Variants in MEIOSIN observed in about 807,000 individuals in gnomAD.
MEIOSIN encodes meiosis initiator, also known as meiosis initiator protein.
MEIOSIN carries 18 observed loss-of-function variants against 23.4 expected under a neutral mutation model. The ratio of observed to expected loss-of-function variants is 0.77; its 90% confidence interval spans 0.53 to 1.14. The LOEUF is 1.14. MEIOSIN is among the 50% of genes most tolerant of loss of function. The pLI is 0.00. For synonymous variants in MEIOSIN, 187 were observed against 100.6 expected (o/e 1.86, Z -5.14); for missense variants, 428 against 242.9 (o/e 1.76, Z -5.07).
chr19:45,759,072 G>A (rs566873330), intron 10 of MEIOSIN, 39 bp downstream of exon 10: 1 of 702,768 alleles, frequency 1.4e-6, no homozygotes, highest in Admixed American at 2.0e-5. Flanking sequence ...AGTTCATTCG[G>A]GAAACATACG....
chr19:45,756,293 C>T (rs1968828476), intron 8 of MEIOSIN, among the ~76,000 whole-genome samples: 1 of 152,240 alleles, frequency 6.6e-6, no homozygotes. Flanking sequence ...AGTCTCTTTG[C>T]CTCACCTGTT....
chr19:45,751,734 CTTTTT>C (rs35105394), intron 5 of MEIOSIN, among the ~76,000 whole-genome samples: 3 of 139,616 alleles, frequency 2.1e-5, no homozygotes, highest in Non-Finnish European at 4.7e-5. Flanking sequence ...TTCTTTCTTT[CTTTTT>C]TTTTTTTTGA....
chr19:45,760,538 G>A (rs540901025), intron 11 of MEIOSIN, among the ~76,000 whole-genome samples: 4 of 152,150 alleles, frequency 2.6e-5, no homozygotes, highest in South Asian at 4.2e-4. Flanking sequence ...CCTGGGAGGC[G>A]GGGGTTGCAG....
chr19:45,735,640 T>C (rs1205471426), intron 2 of MEIOSIN, among the ~76,000 whole-genome samples, 193 bp downstream of exon 2: 2 of 152,104 alleles, frequency 1.3e-5, no homozygotes, highest in African/African-American at 4.8e-5. Context: ...CAGATGAGAG[T>C]ACTCTGAGGT....
intron 4 of MEIOSIN, among the ~76,000 whole-genome samples, chr19:45,749,055 C>G (rs1367524837): frequency 6.8e-6 from 1 of 146,108 alleles, no homozygotes; most frequent in Non-Finnish European, 1.5e-5. Flanking sequence ...GGCAACAGAC[C>G]GAGACTCCCT....
In MEIOSIN at chr19:45,755,996, G is replaced by A. The variant is rs1421622765; in HGVS notation, c.829G>A (p.Asp277Asn). The change falls in exon 8 of 15, where the codon GAT (aspartate) becomes AAT (asparagine). Residue 277 changes from aspartate to asparagine, a missense_variant. Coordinates refer to ENST00000457052, the MANE Select transcript of MEIOSIN (RefSeq NM_001310124.2). ...SSCWCQGSVQ[D>N]DAPFPALLAQ... ...CTGCTGGTGCCAGGGCAGTGTCCAG[G>A]ATGACGCACCTTTCCCTGCGCTCCT... 1.4e-6 allele frequency: 1 copy of A among 702,852 alleles called. No individual in the cohort carries two copies. The highest frequency in any genetic ancestry group is 1.7e-5 in the African/African-American group (1 of 57,360). 43.5% of individuals were successfully genotyped at this position (702,852 alleles called of 1,614,324 possible). A position where few individuals can be genotyped will look rare whatever the true frequency, so the allele number is the denominator to read the frequency against.
At chr19:45,756,833 G>A (rs1021292004) in intron 8 of MEIOSIN, among the ~76,000 whole-genome samples, 1 of 152,014 alleles carries the variant, frequency 6.6e-6, no homozygotes, top group East Asian at 1.9e-4. Context: ...CCACACATTT[G>A]CCATTCCCCA....
chr19:45,745,925 G>C (rs1968586928), intron 4 of MEIOSIN, among the ~76,000 whole-genome samples: 1 of 152,020 alleles, frequency 6.6e-6, no homozygotes, highest in Admixed American at 6.6e-5. Context: ...AGTCTCAGTG[G>C]CTTTTTCACT....
rs142158849 is a variant in MEIOSIN, at chr19:45,742,852, C to T, written c.177-2340C>T. Reference sequence around the variant, plus strand: ...ACAACAACCAGGGCAACAGAACATTCCAAACAGAGAAGGCAGAAATAAAAT... The same window carrying T: ...ACAACAACCAGGGCAACAGAACATTTCAAACAGAGAAGGCAGAAATAAAAT... On this transcript the variant is annotated intron_variant, in intron 3 of 14. Transcript: ENST00000457052. Among the ~76,000 whole-genome samples the T allele has an allele frequency of 2.1e-3, 326 of 152,158 alleles. 4 individuals carry two copies. The highest frequency in any genetic ancestry group is 4.0e-3 in the Non-Finnish European group (271 of 68,006).
chr19:45,750,721 G>A lies in MEIOSIN; in HGVS notation c.353G>A (p.Arg118Lys). The change falls in exon 5 of 15, where the codon AGA becomes AAA. Residue 118 changes from arginine to lysine, a missense_variant. Coordinates refer to ENST00000457052, the MANE Select transcript of MEIOSIN (RefSeq NM_001310124.2). ...CTGCAGTACATTCAGTACCTCCAGA[G>A]AAACATCGATGCCGCCAAGGCCTTG... Reference protein sequence around the residue: ...HVLQYIQYLQRNIDAAKALFK... With the variant: ...HVLQYIQYLQKNIDAAKALFK... 1.6e-6 allele frequency: 1 copy of A among 643,512 alleles called. No individual in the cohort carries two copies. The highest frequency in any genetic ancestry group is 2.6e-5 in the Admixed American group (1 of 38,142). The allele number at this position is 643,512 out of a possible 1,614,324, so 39.9% of individuals were successfully genotyped here.
intron 3 of MEIOSIN, 114 bp downstream of exon 3, chr19:45,739,844 T>G (rs1293903559): frequency 1.4e-5 from 9 of 628,704 alleles, no homozygotes; most frequent in Admixed American, 8.1e-5. Context: ...ACACATGCTT[T>G]CTTTCTTCCT....
rs893421152 is a variant in MEIOSIN at position 45,759,068 on chromosome 19, T to G, written c.1168+35T>G. The G allele has an allele frequency of 1.0e-5, 7 of 702,854 alleles. No homozygotes were observed. In the African/African-American group the frequency reaches 1.2e-4, roughly 12 times the overall value. 43.5% of individuals were successfully genotyped at this position (702,854 alleles called of 1,614,324 possible). On this transcript the variant is annotated intron_variant, in intron 10 of 14. Coordinates refer to ENST00000457052, the MANE Select transcript of MEIOSIN (RefSeq NM_001310124.2). ...AGGCCTGGCCCTGATGCTTAGTTCA[T>G]TCGGGAAACATACGGTGCCCAGGCC...
intron 6 of MEIOSIN, among the ~76,000 whole-genome samples, chr19:45,754,202 C>G (rs545277218): frequency 8.5e-5 from 13 of 152,178 alleles, no homozygotes; most frequent in African/African-American, 2.9e-4. Context: ...GTCTTGAACT[C>G]CTGACCTCAA....
chr19:45,750,334 GTCTT>G lies in MEIOSIN; in HGVS notation c.307-327_307-324del, dbSNP rs1265903352. On this transcript the variant is annotated intron_variant, in intron 4 of 14. Transcript: ENST00000457052. ...AGCCCTGGCTGTTGTGCTCAACCCT[GTCTT>G]TCTTTCTTTCTTTTTCTTTTTCTTT... is the stretch of plus-strand genomic sequence containing the variant. Among the ~76,000 whole-genome samples the G allele has an allele frequency of 4.4e-5, 6 of 137,602 alleles. 1 individual carries two copies. In the East Asian group the frequency reaches 1.0e-3, roughly 23 times the overall value. 90.3% of individuals were successfully genotyped at this position (137,602 alleles called of 152,430 possible).
At chr19:45,751,546 G>T (rs8107659) in intron 5 of MEIOSIN, among the ~76,000 whole-genome samples, 149,253 of 151,652 alleles carry the variant, frequency 0.98, 73,462 homozygotes, top group East Asian at 1. Flanking sequence ...TTTTTTGTGT[G>T]TTTTTTGAGA....
chr19:45,764,439 C>T lies in MEIOSIN; in HGVS notation c.*321C>T, dbSNP rs1385308507. On this transcript the variant is annotated 3_prime_UTR_variant, in exon 15 of 15. Transcript: ENST00000457052. ...ACCCCAGAGCCACTCGGTTGCAACC[C>T]TGTTCATGCTCACCTCACCCTACTC... 3.4e-6 allele frequency: 1 copy of T among 290,160 alleles called. No individual in the cohort carries two copies. The highest frequency in any genetic ancestry group is 2.2e-5 in the African/African-American group (1 of 46,188). 18.0% of individuals were successfully genotyped at this position (290,160 alleles called of 1,614,324 possible).
intron 4 of MEIOSIN, among the ~76,000 whole-genome samples, chr19:45,748,541 A>G (rs1968635927): frequency 1.3e-5 from 2 of 152,140 alleles, no homozygotes; most frequent in South Asian, 2.1e-4. Context: ...TACCTTCAGA[A>G]GGTCTTTGAG....
rs1458201051 is a variant in MEIOSIN at position 45,764,233 on chromosome 19, A to C, written c.*115A>C. ...CTGGGCCTCCAGCCCCTGAGAATGCAGGTCCCATGGGACTGGGGAGGGGGG... is the reference window on the plus strand; with the variant it reads ...CTGGGCCTCCAGCCCCTGAGAATGCCGGTCCCATGGGACTGGGGAGGGGGG... On this transcript the variant is annotated 3_prime_UTR_variant, in exon 15 of 15. Transcript: ENST00000457052. 1 of 397,704 alleles carries C rather than the reference A, an allele frequency of 2.5e-6. No individual in the cohort carries two copies. Among genetic ancestry groups the C allele is most frequent in the African/African-American group, 2.1e-5 (1 of 48,618 alleles). 24.6% of individuals were successfully genotyped at this position (397,704 alleles called of 1,614,324 possible).
intron 3 of MEIOSIN, among the ~76,000 whole-genome samples, chr19:45,741,703 T>C (rs1034869037): frequency 1.8e-4 from 28 of 151,882 alleles, no homozygotes; most frequent in African/African-American, 6.8e-4. Flanking sequence ...AGAGCAAAAC[T>C]CTGCCTCAGA....
Sources: allele counts gnomAD v4.1 joint callset (sites outside exome capture counted in the v4.1 genomes callset), GRCh38; gene constraint gnomAD v4.1.1; transcripts MANE v1.5; gene names NCBI Gene and HGNC (gene_info 2026-07-23, HGNC 2026-07-21).